MYO16: variants seen among roughly 807,000 people sequenced by gnomAD.
MYO16 encodes the protein unconventional myosin-XVI.
In MYO16, 94 loss-of-function variants were observed where a neutral mutation model predicts 205.3. The observed-to-expected ratio is 0.46, with a 90% CI of 0.39 to 0.54. The LOEUF (loss-of-function observed/expected upper bound fraction) is 0.54, where lower values mean the gene tolerates loss of function less well. Among genes scored for constraint, MYO16 ranks in the 20% least tolerant of loss-of-function variants. The pLI is 0.00. For missense variants in MYO16, 2,315 were observed against 2,387.5 expected, an observed-to-expected ratio of 0.97 and a Z score of 0.63; for synonymous variants, 988 against 954.0, an observed-to-expected ratio of 1.04 and a Z score of -0.66.
intron 4 of MYO16, among the ~76,000 whole-genome samples, chr13:108,747,714 A>T (rs1320927282): frequency 6.6e-6 from 1 of 152,162 alleles, no homozygotes; most frequent in Admixed American, 6.5e-5. Flanking sequence ...TAGTCTAAAC[A>T]CACCAATTAA....
intron 1 of MYO16, among the ~76,000 whole-genome samples, chr13:108,602,332 CT>C (rs1277601084): frequency 6.6e-6 from 1 of 152,062 alleles, no homozygotes; most frequent in Non-Finnish European, 1.5e-5. Flanking sequence ...CCTCTTGCAC[CT>C]TTGGTTCTTT....
intron 4 of MYO16, among the ~76,000 whole-genome samples, chr13:108,757,537 G>C (rs2009510): frequency 0.17 from 25,542 of 151,972 alleles, 2,301 homozygotes; most frequent in Non-Finnish European, 0.21. Flanking sequence ...GTGCAGGTTA[G>C]TTACATATGT....
chr13:109,036,727 A>G (rs1211468575), intron 23 of MYO16, among the ~76,000 whole-genome samples: 1 of 152,214 alleles, frequency 6.6e-6, no homozygotes, highest in Non-Finnish European at 1.5e-5. Flanking sequence ...TTTCTCTATT[A>G]CATGCATGAG....
chr13:109,040,967 TA>T (rs1056048597), intron 23 of MYO16, among the ~76,000 whole-genome samples: 2 of 151,862 alleles, frequency 1.3e-5, no homozygotes, highest in East Asian at 3.9e-4. Context: ...AAATCTACCA[TA>T]AAAAAAGAAA....
intron 1 of MYO16, among the ~76,000 whole-genome samples, chr13:108,653,993 C>A (rs545863188): frequency 2.0e-4 from 31 of 152,174 alleles, no homozygotes; most frequent in Admixed American, 1.7e-3. Flanking sequence ...TTCCAATCCA[C>A]TTTGCTTTAG....
chr13:108,673,959 T>C (rs1004589477), intron 2 of MYO16, among the ~76,000 whole-genome samples: 2 of 152,198 alleles, frequency 1.3e-5, no homozygotes, highest in Non-Finnish European at 2.9e-5. Context: ...TTGTAAAGTA[T>C]TGATGGCTTT....
At chr13:108,799,491 C>T (rs1432981714) in intron 6 of MYO16, among the ~76,000 whole-genome samples, 1 of 152,192 alleles carries the variant, frequency 6.6e-6, no homozygotes, top group Non-Finnish European at 1.5e-5. Flanking sequence ...TGAATGCTAT[C>T]TTGAGGTATT....
intron 34 of MYO16, among the ~76,000 whole-genome samples, chr13:109,192,658 A>G (rs1304508758): frequency 2.6e-5 from 4 of 152,086 alleles, no homozygotes; most frequent in Admixed American, 2.6e-4. Context: ...ATGCAACCCA[A>G]CCTTGACTAT....
At chr13:109,106,325 T>C (rs929013913) in intron 28 of MYO16, among the ~76,000 whole-genome samples, 1 of 152,242 alleles carries the variant, frequency 6.6e-6, no homozygotes, top group Admixed American at 6.5e-5. Flanking sequence ...TCTGAACATA[T>C]GCATTTTAAA....
chr13:108,567,171 T>C, the MYO16 span, among the ~76,000 whole-genome samples: 3 of 152,102 alleles, frequency 2.0e-5, no homozygotes, highest in Non-Finnish European at 2.9e-5. Context: ...TGGAGGATAT[T>C]GAAGTAGTTT....
At chr13:108,825,726 G>A (rs1205324448) in intron 9 of MYO16, among the ~76,000 whole-genome samples, 2 of 151,924 alleles carry the variant, frequency 1.3e-5, no homozygotes, top group Admixed American at 6.6e-5. Context: ...TAAGAATATA[G>A]TTCAAGAGGA....
chr13:108,833,391 C>A (rs1876726539), intron 9 of MYO16, among the ~76,000 whole-genome samples: 1 of 151,610 alleles, frequency 6.6e-6, no homozygotes, highest in Admixed American at 6.6e-5. Context: ...AGAAAAAAAA[C>A]AAAAATGTAA....
In MYO16 at chr13:109,056,686, A is replaced by G. The variant is rs61482642; in HGVS notation, c.3335+1091A>G. Among the ~76,000 whole-genome samples, 1,062 of 152,290 alleles carry G rather than the reference A, an allele frequency of 7.0e-3. 9 individuals are homozygous for G. The highest frequency in any genetic ancestry group is 0.024 in the African/African-American group (1,002 of 41,568). ...TACAAAGTGTTACAGAAGCATAGTA[A>G]GAAGGTAATTTGGGATCAGAGATAG... is the stretch of plus-strand genomic sequence containing the variant. On this transcript the variant is annotated intron_variant, in intron 27 of 34. Transcript: ENST00000457511.
intron 2 of MYO16, among the ~76,000 whole-genome samples, chr13:108,693,382 A>T (rs1351738988): frequency 1.3e-5 from 2 of 152,000 alleles, no homozygotes; most frequent in Non-Finnish European, 2.9e-5. Flanking sequence ...TTAATTAGTC[A>T]TTTTTCATCT....
At chr13:109,076,783 C>T (rs1441989187) in intron 27 of MYO16, among the ~76,000 whole-genome samples, 2 of 151,984 alleles carry the variant, frequency 1.3e-5, no homozygotes, top group Non-Finnish European at 2.9e-5. Flanking sequence ...GATGAGTGCA[C>T]AGCAGAGATG....
At chr13:108,927,188 T>C (rs1387143488) in intron 16 of MYO16, among the ~76,000 whole-genome samples, 2 of 151,842 alleles carry the variant, frequency 1.3e-5, no homozygotes, top group African/African-American at 4.8e-5. Context: ...TTAGAGAAAA[T>C]GAGTGTGCCA....
chr13:108,577,511 A>G, the MYO16 span, among the ~76,000 whole-genome samples: 1 of 152,160 alleles, frequency 6.6e-6, no homozygotes, highest in East Asian at 1.9e-4. Flanking sequence ...TCTCTCCTCC[A>G]TCTGGAACAC....
intron 1 of MYO16, among the ~76,000 whole-genome samples, chr13:108,624,552 A>G (rs1879660892): frequency 6.6e-6 from 1 of 152,140 alleles, no homozygotes. Flanking sequence ...CCTGAAATGG[A>G]AAAGTCTTCC....
chr13:109,166,999 C>G (rs1566545168), intron 33 of MYO16: 1 of 152,174 alleles, frequency 6.6e-6, no homozygotes, highest in Non-Finnish European at 1.5e-5. Context: ...GAAGGCTGAT[C>G]CATTTTCAAG....
Sources: gnomAD v4.1 joint callset for allele counts (sites outside exome capture counted in the v4.1 genomes callset) on GRCh38, gnomAD v4.1.1 for gene constraint, MANE v1.5 for transcripts, NCBI Gene and HGNC (gene_info 2026-07-23, HGNC 2026-07-21) for gene names.